Variants in ETV1 observed in about 807,000 individuals in gnomAD.
ETV1 encodes the protein ETS translocation variant 1.
A neutral mutation model predicts 62.3 loss-of-function variants in ETV1; 27 were observed. The observed-to-expected ratio is 0.43, with a 90% CI of 0.32 to 0.60. ETV1 has a LOEUF of 0.60. Among genes scored for constraint, ETV1 ranks in the 20% least tolerant of loss-of-function variants. The pLI is 0.06. For synonymous variants in ETV1, 222 were observed against 199.6 expected, an observed-to-expected ratio of 1.11 and a Z score of -0.94; for missense variants, 605 against 605.8, an observed-to-expected ratio of 1.00 and a Z score of 0.01.
At position 13,989,580 on chromosome 7, in the gene ETV1, C is replaced by T. The variant is rs1782866583; in HGVS notation, c.-302G>A. The T allele has an allele frequency of 2.5e-6, 1 of 399,072 alleles. No homozygotes were observed. Among genetic ancestry groups the T allele is most frequent in the East Asian group, 3.6e-5 (1 of 28,056 alleles). 24.7% of individuals were successfully genotyped at this position (399,072 alleles called of 1,614,324 possible). On this transcript the variant is annotated 5_prime_UTR_variant, in exon 1 of 14. Coordinates refer to ENST00000430479, the MANE Select transcript of ETV1 (RefSeq NM_004956.5). ...AGACCCACCTGAAGGCCACGCTAGG[C>T]GAAAGGCTGCAAAAACTTCCCTCCA...
chr7:13,909,837 ATTAT>A, intron 10 of ETV1, 137 bp from the exon 11 acceptor site: 2 of 700,026 alleles, frequency 2.9e-6, no homozygotes, highest in East Asian at 2.6e-5. Context: ...CCCTGGACAC[ATTAT>A]TTAACCTCTG....
chr7:13,913,305 T>A (rs1783743567), intron 9 of ETV1, among the ~76,000 whole-genome samples: 1 of 152,200 alleles, frequency 6.6e-6, no homozygotes. Flanking sequence ...GATTATAGTT[T>A]AAGGATCATT....
chr7:13,927,986 A>G (rs761575000), intron 9 of ETV1, among the ~76,000 whole-genome samples: 37 of 152,212 alleles, frequency 2.4e-4, no homozygotes, highest in Non-Finnish European at 4.4e-4. Context: ...GAATTTTACA[A>G]GTAATCTGCA....
intron 9 of ETV1, among the ~76,000 whole-genome samples, chr7:13,922,876 A>G (rs1177810890): frequency 3.9e-5 from 6 of 152,218 alleles, no homozygotes; most frequent in Admixed American, 3.9e-4. Context: ...GGATGAAAGA[A>G]AAGTGTATTG....
intron 8 of ETV1, among the ~76,000 whole-genome samples, chr7:13,933,238 C>T (rs187594182): frequency 9.8e-5 from 15 of 152,298 alleles, no homozygotes; most frequent in African/African-American, 3.4e-4. Flanking sequence ...TTTGTTTTTA[C>T]GAGTCGACCT....
chr7:13,984,387 G>T (rs1017524535), intron 5 of ETV1, among the ~76,000 whole-genome samples: 1 of 151,794 alleles, frequency 6.6e-6, no homozygotes. Context: ...GGGTAATTTG[G>T]GGATCTCTTC....
Position 13,935,800 on chromosome 7 carries a change from G to A in ETV1, c.462C>T (p.Asn154=), listed in dbSNP as rs370603971. The stretch of plus-strand genomic sequence containing the variant: ...GGTCAGGTTTCGGTGTATGAGTTGA[G>A]TTTGGAGATGCATGATGCAGTGGGG... ...PVSPLHHASP[N]STHTPKPDRA... Residue 154 remains asparagine, a synonymous_variant, in exon 8 of 14, where the codon AAC becomes AAT. Transcript: ENST00000430479. 40 of 1,613,886 alleles carry A rather than the reference G, an allele frequency of 2.5e-5. No homozygotes were observed. In the African/African-American group the frequency reaches 3.6e-4, roughly 15 times the overall value.
At chr7:13,943,782 G>C (rs1416232664) in intron 6 of ETV1, among the ~76,000 whole-genome samples, 1 of 152,106 alleles carries the variant, frequency 6.6e-6, no homozygotes, top group Non-Finnish European at 1.5e-5. Flanking sequence ...CTTCTGGGTG[G>C]TGGTTATATG....
At chr7:13,906,620 G>C in intron 11 of ETV1, 21 bp from the exon 12 acceptor site, 1 of 1,555,366 alleles carries the variant, frequency 6.4e-7, no homozygotes, top group Non-Finnish European at 8.7e-7. Context: ...ACATTTTTAA[G>C]TTTCTATTAT....
chr7:13,920,690 T>A (rs1288148506), intron 9 of ETV1, among the ~76,000 whole-genome samples: 1 of 152,170 alleles, frequency 6.6e-6, no homozygotes, highest in Non-Finnish European at 1.5e-5. Flanking sequence ...CAGACTGTAG[T>A]CTCAACTCTC....
chr7:13,988,630 A>AG (rs1554321083), intron 3 of ETV1: 2 of 1,533,248 alleles, frequency 1.3e-6, no homozygotes, highest in African/African-American at 1.4e-5. Context: ...GAAAAAAAAA[A>AG]GAAACAAAAA....
chr7:13,911,973 T>C (rs1455553904), intron 9 of ETV1, among the ~76,000 whole-genome samples: 1 of 152,218 alleles, frequency 6.6e-6, no homozygotes, highest in African/African-American at 2.4e-5. Context: ...TTTGATTTAT[T>C]CCCAGACGTA....
intron 6 of ETV1, among the ~76,000 whole-genome samples, chr7:13,975,921 A>G (rs946426787): frequency 6.6e-6 from 1 of 152,346 alleles, no homozygotes; most frequent in African/African-American, 2.4e-5. Context: ...TCTTTTACTC[A>G]GACGACGTGT....
At chr7:13,935,983 T>C in intron 7 of ETV1, 87 bp from the exon 8 acceptor site, 1 of 1,058,712 alleles carries the variant, frequency 9.4e-7, no homozygotes, top group Non-Finnish European at 1.4e-6. Context: ...AGAAAAGATA[T>C]TTTAGACTTA....
intron 9 of ETV1, among the ~76,000 whole-genome samples, chr7:13,912,556 C>T (rs908303512): frequency 8.5e-5 from 13 of 152,266 alleles, no homozygotes; most frequent in Non-Finnish European, 1.6e-4. Flanking sequence ...ATCTCCATTA[C>T]ACTTCCAAAG....
At chr7:13,903,635 C>T (rs1431273261) in intron 12 of ETV1, among the ~76,000 whole-genome samples, 2 of 151,682 alleles carry the variant, frequency 1.3e-5, no homozygotes, top group Non-Finnish European at 2.9e-5. Context: ...TGGGGGTGCA[C>T]ACCTGAAGTC....
intron 9 of ETV1, among the ~76,000 whole-genome samples, chr7:13,926,853 T>A (rs1398428744): frequency 1.3e-5 from 2 of 152,166 alleles, no homozygotes. Flanking sequence ...GAAGTCTTTT[T>A]CTTTTCTCCT....
intron 6 of ETV1, among the ~76,000 whole-genome samples, chr7:13,949,872 C>G (rs996188670): frequency 3.9e-5 from 6 of 152,094 alleles, no homozygotes; most frequent in African/African-American, 1.4e-4. Flanking sequence ...GACCATAGCA[C>G]AGCAAGTTGA....
chr7:13,921,728 T>C (rs1180295303), intron 9 of ETV1, among the ~76,000 whole-genome samples: 1 of 152,206 alleles, frequency 6.6e-6, no homozygotes, highest in Non-Finnish European at 1.5e-5. Context: ...AATAAATAAA[T>C]TTATGGCAGT....
Sources: gnomAD v4.1 joint callset for allele counts (sites outside exome capture counted in the v4.1 genomes callset) on GRCh38, gnomAD v4.1.1 for gene constraint, MANE v1.5 for transcripts, NCBI Gene and HGNC (gene_info 2026-07-23, HGNC 2026-07-21) for gene names.